NAV3: variants seen among roughly 807,000 people sequenced by gnomAD.
NAV3 encodes the protein neuron navigator 3.
NAV3 carries 87 observed loss-of-function variants against 244.7 expected under a neutral mutation model. The ratio of observed to expected loss-of-function variants is 0.36; its 90% CI spans 0.30 to 0.42. The LOEUF (loss-of-function observed/expected upper bound fraction) is 0.42. Ranked by LOEUF, NAV3 falls within the 20% of genes least tolerant of loss-of-function variation. The pLI is 1.00. For synonymous variants in NAV3, 1,126 were observed against 1,042.2 expected (o/e 1.08, Z -1.55); for missense variants, 2,663 against 2,893.3 (o/e 0.92, Z 1.83).
At chr12:77,591,498 CA>C (rs1203848956) in intron 2 of NAV3, among the ~76,000 whole-genome samples, 1 of 152,170 alleles carries the variant, frequency 6.6e-6, no homozygotes, top group Non-Finnish European at 1.5e-5. Flanking sequence ...GTTATCTCTA[CA>C]CAGAAGGAAG....
chr12:77,937,673 A>G (rs988441303), intron 1 of NAV3, among the ~76,000 whole-genome samples: 2 of 152,180 alleles, frequency 1.3e-5, no homozygotes, highest in African/African-American at 2.4e-5. Flanking sequence ...AACACCTGTG[A>G]AGTGGAAGGC....
At chr12:78,093,426 G>C (rs1954067330) in intron 12 of NAV3, among the ~76,000 whole-genome samples, 3 of 152,162 alleles carry the variant, frequency 2.0e-5, no homozygotes, top group Admixed American at 2.0e-4. Context: ...TGGAGTACAA[G>C]AACAGAGGGA....
At chr12:78,020,488 A>C (rs1485681358) in intron 8 of NAV3, among the ~76,000 whole-genome samples, 1 of 152,140 alleles carries the variant, frequency 6.6e-6, no homozygotes, top group Non-Finnish European at 1.5e-5. Flanking sequence ...AAATTATTGG[A>C]GTCCAAGGCA....
chr12:77,969,099 T>C (rs1314998844), intron 5 of NAV3, among the ~76,000 whole-genome samples: 2 of 152,042 alleles, frequency 1.3e-5, no homozygotes, highest in African/African-American at 4.8e-5. Context: ...ATTTCAGGTC[T>C]GTTAAACATA....
At chr12:78,208,337 C>T (rs1361824699) in intron 39 of NAV3, among the ~76,000 whole-genome samples, 1 of 152,146 alleles carries the variant, frequency 6.6e-6, no homozygotes, top group Non-Finnish European at 1.5e-5. Context: ...CATGATTCAA[C>T]ACCTCCCACT....
intron 1 of NAV3, among the ~76,000 whole-genome samples, chr12:77,904,114 T>A (rs369782565): frequency 5.3e-5 from 8 of 152,244 alleles, no homozygotes; most frequent in East Asian, 3.9e-4. Flanking sequence ...AGAACTAGAA[T>A]TACCATTTGA....
chr12:77,929,797 T>A (rs1888594481), intron 1 of NAV3, among the ~76,000 whole-genome samples: 1 of 97,814 alleles, frequency 1.0e-5, no homozygotes. Context: ...CACGGCCAGC[T>A]ATTTTTTTTT....
intron 25 of NAV3, 130 bp downstream of exon 25, chr12:78,175,557 C>T (rs1958185123): frequency 1.8e-6 from 2 of 1,140,854 alleles, no homozygotes; most frequent in Non-Finnish European, 2.4e-6. Context: ...ACCTCAAATG[C>T]TGCACTCATC....
chr12:78,197,825 CCAA>C (rs1344149723), intron 35 of NAV3, among the ~76,000 whole-genome samples: 1 of 151,830 alleles, frequency 6.6e-6, no homozygotes, highest in African/African-American at 2.4e-5. Flanking sequence ...ATTTGCGAAA[CCAA>C]CAACAACGTT....
At chr12:78,004,017 C>A (rs1343162924) in intron 7 of NAV3, among the ~76,000 whole-genome samples, 1 of 152,136 alleles carries the variant, frequency 6.6e-6, no homozygotes, top group Non-Finnish European at 1.5e-5. Context: ...GCCATTTCAG[C>A]AGAATTTCTG....
chr12:77,639,203 T>TA lies in NAV3; in HGVS notation c.72+66938dup, dbSNP rs539584414. ...TAAACAGATTTAAAAAAATTTTTTTTATCCTCATCTTGTATGTTTTAAGGA... is the reference window on the plus strand; with the variant it reads ...TAAACAGATTTAAAAAAATTTTTTTTAATCCTCATCTTGTATGTTTTAAGGA... On this transcript the variant is annotated intron_variant, in intron 2 of 8. Transcript: ENST00000550042. Among the ~76,000 whole-genome samples the TA allele has an allele frequency of 4.4e-4, 67 of 152,300 alleles. 1 individual carries two copies. In the South Asian group the frequency reaches 0.014, roughly 32 times the overall value.
rs1958272490 is a variant in NAV3, at chr12:78,177,254, A to G, written c.5238A>G (p.Leu1746=). 1.9e-6 allele frequency: 3 copies of G among 1,613,370 alleles called. No homozygotes were observed. The highest frequency in any genetic ancestry group is 2.7e-5 in the African/African-American group (2 of 74,850). The change falls in exon 27 of 40, where the codon TTA becomes TTG. Residue 1746 remains leucine, a synonymous_variant. Coordinates refer to ENST00000397909, the MANE Select transcript of NAV3 (RefSeq NM_001024383.2). The stretch of plus-strand genomic sequence containing the variant: ...CATCCCTTCCGGCATCCCCCAAGTT[A>G]CCCCATAATGCTGGTGACTGTGGCT... ...TDSSLPASPK[L]PHNAGDCGSA...
At chr12:77,618,536 GAT>G (rs1250319318) in intron 2 of NAV3, among the ~76,000 whole-genome samples, 1 of 152,064 alleles carries the variant, frequency 6.6e-6, no homozygotes, top group African/African-American at 2.4e-5. Context: ...AAATAAATGA[GAT>G]ATGTGGAAAG....
intron 2 of NAV3, among the ~76,000 whole-genome samples, chr12:77,620,993 A>G (rs1215403950): frequency 2.0e-5 from 3 of 152,224 alleles, no homozygotes; most frequent in African/African-American, 7.2e-5. Context: ...CAAGTGTTAA[A>G]GAAGTTGGAC....
intron 12 of NAV3, among the ~76,000 whole-genome samples, chr12:78,076,059 C>G (rs1029041062): frequency 6.6e-6 from 1 of 152,130 alleles, no homozygotes; most frequent in African/African-American, 2.4e-5. Flanking sequence ...TGCACTTTTT[C>G]TCTACTCTCT....
At position 77,800,810 on chromosome 12, in the gene NAV3, C is replaced by T. The variant is rs115939159; in HGVS notation, c.73-139509C>T. Among the ~76,000 whole-genome samples the T allele has an allele frequency of 2.7e-3, 404 of 152,156 alleles. 3 individuals carry two copies. Among genetic ancestry groups the T allele is most frequent in the African/African-American group, 9.4e-3 (389 of 41,562 alleles). ...TAAAACACACAAACAGAAAACTCCT[C>T]ATTTCTTTCTATGCTTTTTTTTGAA... On this transcript the variant is annotated intron_variant, in intron 2 of 8. Transcript: ENST00000550042.
chr12:77,630,619 A>G (rs1871851755), intron 2 of NAV3, among the ~76,000 whole-genome samples: 1 of 152,146 alleles, frequency 6.6e-6, no homozygotes, highest in South Asian at 2.1e-4. Flanking sequence ...GAAATGCATT[A>G]AAGACGTGAA....
In NAV3 at chr12:78,090,970, G is replaced by C. The variant is rs866097752; in HGVS notation, c.2637-25802G>C. Among the ~76,000 whole-genome samples, 557 of 150,992 alleles carry C rather than the reference G, an allele frequency of 3.7e-3. 3 individuals carry two copies. Among genetic ancestry groups the C allele is most frequent in the African/African-American group, 0.012 (511 of 41,084 alleles). On this transcript the variant is annotated intron_variant, in intron 12 of 39. Coordinates refer to ENST00000397909, the MANE Select transcript of NAV3 (RefSeq NM_001024383.2). Reference sequence around the variant, plus strand: ...TGCTGTATTCTGTGTGTGTGTGTGTGTGTGTGTGTGTGTGTGTGTGTGTGT... The same window carrying C: ...TGCTGTATTCTGTGTGTGTGTGTGTCTGTGTGTGTGTGTGTGTGTGTGTGT...
chr12:78,150,885 C>T (rs11108487), intron 22 of NAV3, among the ~76,000 whole-genome samples: 16,387 of 151,826 alleles, frequency 0.11, 988 homozygotes, highest in East Asian at 0.26. Context: ...ATATGACCAA[C>T]AAAGGGTGAA....
Sources: allele counts gnomAD v4.1 joint callset (sites outside exome capture counted in the v4.1 genomes callset), GRCh38; gene constraint gnomAD v4.1.1; transcripts MANE v1.5; gene names NCBI Gene and HGNC (gene_info 2026-07-23, HGNC 2026-07-21).